The following BPIFB1 variants were observed in gnomAD, a reference collection of about 807,000 sequenced individuals.
BPIFB1 encodes the protein BPI fold containing family B member 1, also known as BPI fold-containing family B member 1.
BPIFB1 carries 34 observed loss-of-function variants against 55.1 expected under a neutral mutation model. The observed-to-expected ratio is 0.62, with a 90% CI of 0.47 to 0.82. The LOEUF (loss-of-function observed/expected upper bound fraction) is 0.82. BPIFB1 is among the 40% of genes least tolerant of loss of function. BPIFB1 has a pLI of 0.00. For missense variants in BPIFB1, 532 were observed against 593.1 expected (o/e 0.90, Z 1.07); for synonymous variants, 236 against 245.3 (o/e 0.96, Z 0.35).
chr20:33,299,269 G>C (rs1355739284), intron 7 of BPIFB1: 2 of 432,380 alleles, frequency 4.6e-6, no homozygotes, highest in Non-Finnish European at 4.8e-6. Flanking sequence ...CCCCATCCTC[G>C]GCCATACACC....
At position 33,303,978 on chromosome 20, in the gene BPIFB1, G is replaced by A. The variant is rs1302493236; in HGVS notation, c.1161G>A (p.Gln387=). 1.9e-6 allele frequency: 3 copies of A among 1,613,922 alleles called. No homozygotes were observed. Among genetic ancestry groups the A allele is most frequent in the Non-Finnish European group, 2.5e-6 (3 of 1,179,972 alleles). Residue 387 remains glutamine (Q), a synonymous_variant, in exon 12 of 16, where the codon CAG becomes CAA. Transcript: ENST00000253354. ...TGCAGGAAGCCAGCTCGGAAGCTCAGTTTTACACCAAAGGTGACCAACTTA... is the reference window on the plus strand; with the variant it reads ...TGCAGGAAGCCAGCTCGGAAGCTCAATTTTACACCAAAGGTGACCAACTTA... ...TLGIEASSEA[Q]FYTKGDQLIL...
At chr20:33,298,975 A>ATTTT (rs1980749479) in intron 7 of BPIFB1, 1 of 328,180 alleles carries the variant, frequency 3.0e-6, no homozygotes, top group African/African-American at 3.4e-5. Flanking sequence ...ACTTTAATAT[A>ATTTT]CTTTTTTTTT....
intron 4 of BPIFB1, among the ~76,000 whole-genome samples, chr20:33,290,606 C>G (rs1980434790): frequency 6.6e-6 from 1 of 152,142 alleles, no homozygotes; most frequent in Admixed American, 6.5e-5. Flanking sequence ...GCCTGCACCA[C>G]TGGCAGGATG....
At chr20:33,290,916 C>T (rs755328692) in intron 4 of BPIFB1, 41 bp from the exon 5 acceptor site, 8 of 1,602,936 alleles carry the variant, frequency 5.0e-6, no homozygotes, top group South Asian at 3.3e-5. Flanking sequence ...CCAGCCCGAG[C>T]TTGCCTGGTG....
chr20:33,288,542 T>C (rs1980343888), intron 2 of BPIFB1, among the ~76,000 whole-genome samples, 199 bp from the exon 3 acceptor site: 1 of 152,116 alleles, frequency 6.6e-6, no homozygotes, highest in Non-Finnish European at 1.5e-5. Context: ...AAACGACCCA[T>C]CTGGGCTACT....
rs569042768 is a variant in BPIFB1 at position 33,305,672 on chromosome 20, C to T, written c.1255-330C>T. On this transcript the variant is annotated intron_variant, in intron 13 of 15. Coordinates refer to ENST00000253354, the MANE Select transcript of BPIFB1 (RefSeq NM_033197.3). ...ATGCAAATCAGGACTTCTGGCTTCC[C>T]TCCAGAAGTCAGAAGTTCAGGCAAT... is the stretch of plus-strand genomic sequence containing the variant. Among the ~76,000 whole-genome samples, 12 of 152,212 alleles carry T rather than the reference C, an allele frequency of 7.9e-5. No homozygotes were observed. In the South Asian group the frequency reaches 2.5e-3, roughly 32 times the overall value.
chr20:33,302,220 T>C (rs562375329), intron 9 of BPIFB1, 139 bp from the exon 10 acceptor site: 2 of 821,580 alleles, frequency 2.4e-6, no homozygotes, highest in South Asian at 2.9e-5. Context: ...TTTCCACCAA[T>C]GACAGACACA....
chr20:33,290,733 G>A (rs1389100981), intron 4 of BPIFB1, among the ~76,000 whole-genome samples: 1 of 152,184 alleles, frequency 6.6e-6, no homozygotes, highest in Non-Finnish European at 1.5e-5. Context: ...GTAGGGGGCT[G>A]GGGGTAAGTT....
At chr20:33,307,151 G>A (rs1600671056) in intron 15 of BPIFB1, 164 bp downstream of exon 15, 1 of 633,262 alleles carries the variant, frequency 1.6e-6, no homozygotes, top group East Asian at 2.7e-5. Flanking sequence ...TGAGAAGGTT[G>A]GCTGTGCTGA....
In BPIFB1 at chr20:33,288,745, G is replaced by A; in HGVS notation, c.120G>A (p.Leu40=). The A allele has an allele frequency of 6.2e-7, 1 of 1,613,554 alleles. No homozygotes were observed. Among genetic ancestry groups the A allele is most frequent in the African/African-American group, 1.3e-5 (1 of 75,048 alleles). The change falls in exon 3 of 16, where the codon CTG becomes CTA. Residue 40 remains leucine, a synonymous_variant. Transcript: ENST00000253354. ...ATCCCTGGGGTCTGCCTCCAGAGCT[G>A]ACACAGGAGCTGAAGGACCACAACG... ...ILGPKVIKEK[L]TQELKDHNAT...
chr20:33,303,095 T>C (rs975708468), intron 11 of BPIFB1, 21 bp downstream of exon 11: 3 of 1,611,764 alleles, frequency 1.9e-6, no homozygotes, highest in Non-Finnish European at 2.5e-6. Context: ...TTGTCTGCGA[T>C]ATTGGCAGCA....
chr20:33,303,472 GC>G (rs1251961329), intron 11 of BPIFB1, among the ~76,000 whole-genome samples: 1 of 152,052 alleles, frequency 6.6e-6, no homozygotes, highest in East Asian at 1.9e-4. Flanking sequence ...TCATGGTAGT[GC>G]CCCAGGCTGC....
intron 6 of BPIFB1, 85 bp from the exon 7 acceptor site, chr20:33,297,440 C>G: frequency 2.1e-6 from 3 of 1,441,424 alleles, no homozygotes; most frequent in Non-Finnish European, 2.9e-6. Flanking sequence ...GGACACAGGC[C>G]AGGTGGGCTG....
At chr20:33,300,735 C>T (rs547175129) in intron 8 of BPIFB1, among the ~76,000 whole-genome samples, 11 of 152,224 alleles carry the variant, frequency 7.2e-5, no homozygotes, top group Non-Finnish European at 1.3e-4. Flanking sequence ...TGCAGGCACT[C>T]GCCACCACGC....
At chr20:33,291,714 G>A (rs911159500) in intron 5 of BPIFB1, among the ~76,000 whole-genome samples, 193 bp from the exon 6 acceptor site, 8 of 152,182 alleles carry the variant, frequency 5.3e-5, no homozygotes, top group African/African-American at 1.7e-4. Flanking sequence ...ACACCCAGCC[G>A]CTGCTTTCTG....
intron 6 of BPIFB1, 111 bp from the exon 7 acceptor site, chr20:33,297,414 C>A: frequency 1.7e-6 from 2 of 1,175,970 alleles, no homozygotes; most frequent in Admixed American, 1.9e-5. Flanking sequence ...CCTGGCTGGC[C>A]ATGGGCACAG....
chr20:33,305,844 C>A (rs949360869), intron 13 of BPIFB1, among the ~76,000 whole-genome samples, 158 bp from the exon 14 acceptor site: 1 of 152,074 alleles, frequency 6.6e-6, no homozygotes, highest in Non-Finnish European at 1.5e-5. Context: ...CCCATCTGGT[C>A]CCTGGGAGCC....
chr20:33,296,678 T>C (rs984540307), intron 6 of BPIFB1, among the ~76,000 whole-genome samples: 2 of 152,196 alleles, frequency 1.3e-5, no homozygotes, highest in Non-Finnish European at 2.9e-5. Flanking sequence ...CAACTAAAAA[T>C]GTCTCTAGAA....
chr20:33,302,632 A>G (rs1255837170), intron 10 of BPIFB1: 2 of 649,864 alleles, frequency 3.1e-6, no homozygotes, highest in Non-Finnish European at 5.5e-6. Flanking sequence ...AACACAGGAC[A>G]GGTTCTAGGG....
Sources: allele counts gnomAD v4.1 joint callset (sites outside exome capture counted in the v4.1 genomes callset), GRCh38; gene constraint gnomAD v4.1.1; transcripts MANE v1.5; gene names NCBI Gene and HGNC (gene_info 2026-07-23, HGNC 2026-07-21).